BCL7C: variants seen among roughly 807,000 people sequenced by gnomAD.
The protein encoded by BCL7C is BAF chromatin remodeling complex subunit BCL7C, also known as B-cell CLL/lymphoma 7 protein family member C.
Under a neutral mutation model 26.2 loss-of-function variants are expected in BCL7C, and 8 were observed. That is an observed-to-expected ratio of 0.30 (90% CI 0.18 to 0.55). The LOEUF (loss-of-function observed/expected upper bound fraction) is 0.55, where lower values mean the gene tolerates loss of function less well. BCL7C is among the 20% of genes least tolerant of loss of function. BCL7C has a pLI of 0.93. For synonymous variants in BCL7C, 90 were observed against 116.5 expected, an observed-to-expected ratio of 0.77 and a Z score of 1.47; for missense variants, 262 against 298.5, an observed-to-expected ratio of 0.88 and a Z score of 0.90.
At chr16:30,844,220 C>A (rs559862714) in intron 5 of BCL7C, among the ~76,000 whole-genome samples, 1 of 150,736 alleles carries the variant, frequency 6.6e-6, no homozygotes, top group East Asian at 1.9e-4. Context: ...CGTGGTGGTG[C>A]GCACCTGTAG....
chr16:30,863,035 G>C (rs994487566), intron 5 of BCL7C, among the ~76,000 whole-genome samples: 2 of 151,994 alleles, frequency 1.3e-5, no homozygotes, highest in East Asian at 1.9e-4. Flanking sequence ...CAAACAACTT[G>C]ACCTTACTGT....
At chr16:30,848,454 G>A (rs1260831272) in intron 5 of BCL7C, among the ~76,000 whole-genome samples, 3 of 152,166 alleles carry the variant, frequency 2.0e-5, no homozygotes, top group Non-Finnish European at 2.9e-5. Context: ...AGACCACCAG[G>A]CAATCTAATT....
downstream of BCL7C, among the ~76,000 whole-genome samples, chr16:30,883,728 G>C (rs1012617434): frequency 2.7e-5 from 4 of 146,486 alleles, no homozygotes; most frequent in African/African-American, 1.0e-4. Context: ...TGTTAGCCAG[G>C]CTGGTCTCGA....
chr16:30,865,572 T>C (rs76330290), intron 5 of BCL7C, among the ~76,000 whole-genome samples: 12,998 of 151,940 alleles, frequency 0.086, 1,567 homozygotes, highest in African/African-American at 0.27. Flanking sequence ...AATGAGATCT[T>C]GTATCTTTAA....
intron 5 of BCL7C, among the ~76,000 whole-genome samples, chr16:30,854,699 C>T (rs1327230604): frequency 1.6e-5 from 2 of 128,640 alleles, no homozygotes; most frequent in African/African-American, 5.6e-5. Context: ...AGACTCACCA[C>T]TCACTTTCTT....
intron 5 of BCL7C, among the ~76,000 whole-genome samples, chr16:30,849,573 T>C (rs2054658412): frequency 6.6e-6 from 1 of 152,036 alleles, no homozygotes; most frequent in Non-Finnish European, 1.5e-5. Flanking sequence ...TGCCTCAGCC[T>C]CTCAAGTAGC....
chr16:30,844,274 C>T (rs1021246144), intron 5 of BCL7C, among the ~76,000 whole-genome samples: 2 of 144,514 alleles, frequency 1.4e-5, no homozygotes, highest in Admixed American at 7.3e-5. Context: ...TGCTTGAACC[C>T]AGGGGGCAGG....
downstream of BCL7C, among the ~76,000 whole-genome samples, chr16:30,883,454 GAGCCTCCCGCCTC>G (rs112805770): frequency 0.023 from 3,483 of 150,780 alleles, 149 homozygotes; most frequent in African/African-American, 0.078. Flanking sequence ...GGGCTCAAGC[GAGCCTCCCGCCTC>G]AGCCTCCCGC....
At position 30,893,147 on chromosome 16, in the gene BCL7C, G is replaced by C. The variant is rs1393161210; in HGVS notation, c.171+65C>G. On this transcript the variant is annotated intron_variant, in intron 2 of 5. Coordinates refer to ENST00000215115, the MANE Select transcript of BCL7C (RefSeq NM_004765.4). This position sits in a 1 kb window ranked among gnomAD's most constrained non-coding sequence, Gnocchi z 5.2. ...CTCGGGGAGCTGGAGGTAGAGGTCAGCGTGGGGAGGAACTTGCCTGAGGTT... is the reference window on the plus strand; with the variant it reads ...CTCGGGGAGCTGGAGGTAGAGGTCACCGTGGGGAGGAACTTGCCTGAGGTT... 7.9e-6 allele frequency: 12 copies of C among 1,527,560 alleles called. No homozygotes were observed. Among genetic ancestry groups the C allele is most frequent in the Non-Finnish European group, 9.9e-6 (11 of 1,113,022 alleles). 94.6% of individuals were successfully genotyped at this position (1,527,560 alleles called of 1,614,324 possible). A position where few individuals can be genotyped will look rare whatever the true frequency, so the allele number is the denominator to read the frequency against.
In BCL7C at chr16:30,892,946, C is replaced by T; in HGVS notation, c.174G>A (p.Glu58=). The T allele has an allele frequency of 5.0e-6, 8 of 1,612,220 alleles. No homozygotes were observed. The highest frequency in any genetic ancestry group is 6.8e-6 in the Non-Finnish European group (8 of 1,179,502). Residue 58 remains glutamate (E), a splice_region_variant and synonymous_variant, in exon 3 of 6, where the codon GAG becomes GAA. Coordinates refer to ENST00000215115, the MANE Select transcript of BCL7C (RefSeq NM_004765.4). ...CTGCCCCGCCACCTGCCCGCCTTCG[C>T]TCCTGGGGGTTAGAGGATTAGGGTC... is the stretch of plus-strand genomic sequence containing the variant. ...WVPVVDPQEE[E]RRRAGGGAER...
At chr16:30,881,510 T>C (rs1239207400) in intron 5 of BCL7C, among the ~76,000 whole-genome samples, 3 of 152,172 alleles carry the variant, frequency 2.0e-5, no homozygotes, top group African/African-American at 7.2e-5. Flanking sequence ...AAGCCAAGTC[T>C]TGACAGTGGC....
chr16:30,852,747 C>A (rs1340692490), intron 5 of BCL7C, among the ~76,000 whole-genome samples: 1 of 151,882 alleles, frequency 6.6e-6, no homozygotes, highest in East Asian at 1.9e-4. Context: ...CCGCCTTGGC[C>A]TCCCAAAGTG....
chr16:30,874,343 G>A (rs1443863473), intron 5 of BCL7C, among the ~76,000 whole-genome samples: 1 of 152,050 alleles, frequency 6.6e-6, no homozygotes, highest in Non-Finnish European at 1.5e-5. Flanking sequence ...GTAGCCAGGT[G>A]CGGTGGCTCA....
intron 5 of BCL7C, among the ~76,000 whole-genome samples, chr16:30,836,510 T>C (rs1488241077): frequency 6.6e-6 from 1 of 151,198 alleles, no homozygotes; most frequent in African/African-American, 2.4e-5. Context: ...GTTCTCCCTT[T>C]GTTGTTCAGG....
intron 5 of BCL7C, among the ~76,000 whole-genome samples, chr16:30,847,409 A>G (rs1420854109): frequency 6.6e-6 from 1 of 152,160 alleles, no homozygotes; most frequent in East Asian, 1.9e-4. Flanking sequence ...AGGCTGTGAT[A>G]ACCTCACCTG....
chr16:30,877,079 A>G (rs1691524648), intron 5 of BCL7C, among the ~76,000 whole-genome samples: 1 of 152,152 alleles, frequency 6.6e-6, no homozygotes, highest in Non-Finnish European at 1.5e-5. Flanking sequence ...GCAAGTGAAC[A>G]GCAAGGAGGA....
chr16:30,847,008 G>C (rs1400506509), intron 5 of BCL7C, among the ~76,000 whole-genome samples: 1 of 152,194 alleles, frequency 6.6e-6, no homozygotes, highest in Non-Finnish European at 1.5e-5. Context: ...TTTCAGTACA[G>C]TCGAGTTATT....
Position 30,834,690 on chromosome 16 carries a change from G to A in BCL7C, c.*258C>T, listed in dbSNP as rs1278461670. 4 of 365,372 alleles carry A rather than the reference G, an allele frequency of 1.1e-5. No homozygotes were observed. Among genetic ancestry groups the A allele is most frequent in the Admixed American group, 4.4e-5 (1 of 22,484 alleles). 22.6% of individuals were successfully genotyped at this position (365,372 alleles called of 1,614,324 possible). Reference sequence around the variant, plus strand: ...GGCAGCCCAGTGCACCCCTCCCCTAGGCCTCTAGCAAGGCGGCCTCAGGCA... The same window carrying A: ...GGCAGCCCAGTGCACCCCTCCCCTAAGCCTCTAGCAAGGCGGCCTCAGGCA... On this transcript the variant is annotated 3_prime_UTR_variant, in exon 6 of 6. Coordinates refer to the BCL7C transcript ENST00000380317. This position sits in a 1 kb window ranked among gnomAD's most constrained non-coding sequence, Gnocchi z 4.3.
chr16:30,846,840 A>G (rs2054639757), intron 5 of BCL7C, among the ~76,000 whole-genome samples: 1 of 152,224 alleles, frequency 6.6e-6, no homozygotes. Context: ...CCAGCAACCC[A>G]TGGCCTGCAG....
Sources: allele counts gnomAD v4.1 joint callset (sites outside exome capture counted in the v4.1 genomes callset), GRCh38; gene constraint gnomAD v4.1.1; non-coding constraint Gnocchi (gnomAD v3.1); transcripts MANE v1.5; gene names NCBI Gene and HGNC (gene_info 2026-07-23, HGNC 2026-07-21).